Variants in DENND4B observed in about 807,000 individuals in gnomAD.
The protein encoded by DENND4B is DENN domain containing 4B.
Under a neutral mutation model 161.0 loss-of-function variants are expected in DENND4B, and 67 were observed. That is an observed-to-expected ratio of 0.42 (90% CI 0.34 to 0.51). The LOEUF (loss-of-function observed/expected upper bound fraction) is 0.51, where lower values mean the gene tolerates loss of function less well. Ranked by LOEUF, DENND4B falls within the 20% of genes least tolerant of loss-of-function variation. The pLI, the probability that DENND4B is intolerant of heterozygous loss-of-function variation, is 0.08. For missense variants in DENND4B, 1,481 were observed against 1,968.0 expected (o/e 0.75, Z 4.68); for synonymous variants, 753 against 813.8 (o/e 0.93, Z 1.27).
At chr1:153,931,520 C>CA (rs1678926933) in intron 24 of DENND4B, among the ~76,000 whole-genome samples, 1 of 140,316 alleles carries the variant, frequency 7.1e-6, no homozygotes, top group African/African-American at 2.7e-5. Flanking sequence ...TTTTTTGAGA[C>CA]AGAGTCTCGC....
intron 17 of DENND4B, among the ~76,000 whole-genome samples, chr1:153,935,662 C>T (rs1357064965): frequency 6.6e-6 from 1 of 152,246 alleles, no homozygotes; most frequent in African/African-American, 2.4e-5. Context: ...CCCATATTCT[C>T]ACTCCTTAAC....
Position 153,940,943 on chromosome 1 carries a change from C to G in DENND4B, c.1287G>C (p.Arg429=). The part of the protein sequence containing the change: ...TEHKLLVHSL[R]PDLLTSVCEA... The stretch of plus-strand genomic sequence containing the variant: ...CACAGACGCTGGTGAGCAGGTCTGG[C>G]CGCAGCGAGTGGACTAGCAGCTTGT... The change falls in exon 9 of 28, where the codon CGG becomes CGC. Residue 429 remains arginine (R), a synonymous_variant. Coordinates refer to ENST00000361217, the MANE Select transcript of DENND4B (RefSeq NM_014856.3). This position sits in a 1 kb window ranked among gnomAD's most constrained non-coding sequence, Gnocchi z 5.6. 6.2e-7 allele frequency: 1 copy of G among 1,600,632 alleles called. No homozygotes were observed. Among genetic ancestry groups the G allele is most frequent in the Non-Finnish European group, 8.5e-7 (1 of 1,174,978 alleles).
At chr1:153,945,207 G>T in intron 1 of DENND4B, 1 of 1,284,696 alleles carries the variant, frequency 7.8e-7, no homozygotes, top group Non-Finnish European at 1.0e-6. Context: ...CAGAAGCTGG[G>T]AAAAAGCCTG....
chr1:153,931,918 C>T (rs1433898647), intron 24 of DENND4B, among the ~76,000 whole-genome samples: 3 of 152,082 alleles, frequency 2.0e-5, no homozygotes, highest in African/African-American at 7.2e-5. Context: ...ATTCTCCCAC[C>T]TCAGCCTCCC....
Position 153,930,133 on chromosome 1 carries a change from G to T in DENND4B, c.*164C>A, listed in dbSNP as rs1678818786. The T allele has an allele frequency of 1.0e-6, 1 of 970,012 alleles. No individual in the cohort carries two copies. The highest frequency in any genetic ancestry group is 1.5e-6 in the Non-Finnish European group (1 of 675,088). 60.1% of individuals were successfully genotyped at this position (970,012 alleles called of 1,614,324 possible). A position where few individuals can be genotyped will look rare whatever the true frequency, so the allele number is the denominator to read the frequency against. On this transcript the variant is annotated 3_prime_UTR_variant, in exon 28 of 28. Transcript: ENST00000361217. The surrounding 1 kb of genome is among the most constrained non-coding windows in gnomAD (Gnocchi z 4.7). The stretch of plus-strand genomic sequence containing the variant: ...GGTGATGGGGGAATCAGGACTTTTG[G>T]TAACAGTGGATCCCTCTTCCTGTTG...
At position 153,944,290 on chromosome 1, in the gene DENND4B, T is replaced by G; in HGVS notation, c.85A>C (p.Thr29Pro). The G allele has an allele frequency of 6.2e-7, 1 of 1,604,264 alleles. No homozygotes were observed. Among genetic ancestry groups the G allele is most frequent in the East Asian group, 2.3e-5 (1 of 44,422 alleles). Residue 29 changes from threonine (T) to proline (P), a missense_variant, in exon 2 of 28, where the codon ACG becomes CCG. This residue lies in a region of DENND4B where 806 missense variants were observed against 1,134.4 expected (regional missense o/e 0.71). Transcript: ENST00000361217. This position sits in a 1 kb window ranked among gnomAD's most constrained non-coding sequence, Gnocchi z 4.8. Reference protein sequence around the residue: ...AGNGAPIPEETWVPEPSGPLR... With the variant: ...AGNGAPIPEEPWVPEPSGPLR... Reference sequence around the variant, plus strand: ...GGCCCACTGGGTTCAGGAACCCACGTTTCCTCAGGGATGGGTGCTCCGTTC... The same window carrying G: ...GGCCCACTGGGTTCAGGAACCCACGGTTCCTCAGGGATGGGTGCTCCGTTC...
Position 153,937,341 on chromosome 1 carries a change from GT to G in DENND4B, c.2232+146del. The G allele has an allele frequency of 8.5e-7, 1 of 1,177,330 alleles. No individual in the cohort carries two copies. The highest frequency in any genetic ancestry group is 1.9e-5 in the South Asian group (1 of 53,556). The allele number at this position is 1,177,330 out of a possible 1,614,324, so 72.9% of individuals were successfully genotyped here. A position where few individuals can be genotyped will look rare whatever the true frequency, so the allele number is the denominator to read the frequency against. ...TAATAGCAACTAATGTTTATACAGG[GT>G]TGCTTATGTGCCAAGCACATTTAAA... On this transcript the variant is annotated intron_variant, in intron 15 of 27. Coordinates refer to ENST00000361217, the MANE Select transcript of DENND4B (RefSeq NM_014856.3). This position sits in a 1 kb window ranked among gnomAD's most constrained non-coding sequence, Gnocchi z 4.7.
At chr1:153,945,910 C>G (rs972652103) in intron 1 of DENND4B, among the ~76,000 whole-genome samples, 4 of 152,392 alleles carry the variant, frequency 2.6e-5, no homozygotes, top group Admixed American at 2.6e-4. Context: ...GTCCCCACGC[C>G]CGCGTGCCGG....
At position 153,934,748 on chromosome 1, in the gene DENND4B, G is replaced by A. The variant is rs1415002149; in HGVS notation, c.2773+12C>T. On this transcript the variant is annotated intron_variant, in intron 18 of 27. Transcript: ENST00000361217. The surrounding 1 kb of genome is among the most constrained non-coding windows in gnomAD (Gnocchi z 5.3). ...CTCCATCCCCAAGCCTGTCTCACCA[G>A]GCCCTACCCACCTGCCTGGGAGCTG... is the stretch of plus-strand genomic sequence containing the variant. The A allele has an allele frequency of 6.2e-7, 1 of 1,608,376 alleles. No homozygotes were observed. The highest frequency in any genetic ancestry group is 8.5e-7 in the Non-Finnish European group (1 of 1,178,138).
chr1:153,934,927 C>G lies in DENND4B; in HGVS notation c.2606G>C (p.Gly869Ala). ...GAGCTTGGCCCAGCGCAGACGCCCA[C>G]CTGGTGTGCCAGACGGCCACTTGCT... is the stretch of plus-strand genomic sequence containing the variant. ...LESKWPSGTP[G>A]GRLRWAKLRN... The change falls in exon 18 of 28, where the codon GGT becomes GCT. Residue 869 changes from glycine to alanine, a missense_variant. By Grantham distance (60) the Gly-to-Ala change is moderately conservative (BLOSUM62 0). This residue lies in a region of DENND4B where 339 missense variants were observed against 330.3 expected (regional missense o/e 1.03). Transcript: ENST00000361217. The surrounding 1 kb of genome is among the most constrained non-coding windows in gnomAD (Gnocchi z 5.3). 3.1e-6 allele frequency: 5 copies of G among 1,613,180 alleles called. No homozygotes were observed. The highest frequency in any genetic ancestry group is 4.2e-6 in the Non-Finnish European group (5 of 1,179,902).
rs200535951 is a variant in DENND4B at position 153,940,967 on chromosome 1, G to C, written c.1263C>G (p.His421Gln). ...ITLLLAVLTE[H>Q]KLLVHSLRPD... ...GCCGCAGCGAGTGGACTAGCAGCTT[G>C]TGCTCTGTGAGCACAGCCAGCAGCA... The change falls in exon 9 of 28, where the codon CAC becomes CAG. Residue 421 changes from histidine (H) to glutamine (Q), a missense_variant. Physicochemically the swap from His to Gln is conservative, Grantham distance 24. Around this residue, in one of 3 missense-constraint regions of DENND4B, gnomAD observed 806 missense variants for 1,134.4 expected, o/e 0.71. Coordinates refer to ENST00000361217, the MANE Select transcript of DENND4B (RefSeq NM_014856.3). This position sits in a 1 kb window ranked among gnomAD's most constrained non-coding sequence, Gnocchi z 5.6. 3.8e-6 allele frequency: 6 copies of C among 1,595,210 alleles called. No individual in the cohort carries two copies. In the East Asian group the frequency reaches 1.1e-4, roughly 30 times the overall value.
chr1:153,931,793 G>T (rs1208202522), intron 24 of DENND4B, among the ~76,000 whole-genome samples: 1 of 151,134 alleles, frequency 6.6e-6, no homozygotes, highest in Non-Finnish European at 1.5e-5. Context: ...ACCACACCCA[G>T]CCAGTCTATG....
intron 7 of DENND4B, 40 bp downstream of exon 7, chr1:153,941,334 C>G (rs754088348): frequency 6.2e-7 from 1 of 1,613,594 alleles, no homozygotes; most frequent in African/African-American, 1.3e-5. Context: ...GATGCCAACT[C>G]CCCTCCTTCC....
chr1:153,930,512 T>G lies in DENND4B; in HGVS notation c.4345+27A>C. On this transcript the variant is annotated intron_variant, in intron 27 of 27. Coordinates refer to ENST00000361217, the MANE Select transcript of DENND4B (RefSeq NM_014856.3). This position sits in a 1 kb window ranked among gnomAD's most constrained non-coding sequence, Gnocchi z 4.7. Reference sequence around the variant, plus strand: ...CACACCTGGCCCCAGATCCCTAAACTCCTCAGCCCCTTGCCTGCAATCTCA... The same window carrying G: ...CACACCTGGCCCCAGATCCCTAAACGCCTCAGCCCCTTGCCTGCAATCTCA... 1 of 1,613,868 alleles carries G rather than the reference T, an allele frequency of 6.2e-7. No homozygotes were observed. The highest frequency in any genetic ancestry group is 8.5e-7 in the Non-Finnish European group (1 of 1,179,812).
rs1217322591 is a variant in DENND4B at position 153,946,626 on chromosome 1, C to G, written c.-349G>C. 6 of 385,120 alleles carry G rather than the reference C, an allele frequency of 1.6e-5. No homozygotes were observed. Among genetic ancestry groups the G allele is most frequent in the Non-Finnish European group, 2.3e-5 (5 of 217,492 alleles). The allele number at this position is 385,120 out of a possible 1,614,324, so 23.9% of individuals were successfully genotyped here. On this transcript the variant is annotated 5_prime_UTR_variant, in exon 1 of 28. Coordinates refer to ENST00000361217, the MANE Select transcript of DENND4B (RefSeq NM_014856.3). This position sits in a 1 kb window ranked among gnomAD's most constrained non-coding sequence, Gnocchi z 6.3. The stretch of plus-strand genomic sequence containing the variant: ...AGCGTTCCTCCGCGCGCCCCGCTTT[C>G]TCTACTCCCCCAACCCCCGCTCCGG...
At position 153,929,574 on chromosome 1, in the gene DENND4B, G is replaced by C. The variant is rs1405905957; in HGVS notation, c.*723C>G. ...GCAGGGAACAATCCTTATTGCACAG[G>C]TCAGGACCTGGGTGGGTGAGGCATT... On this transcript the variant is annotated 3_prime_UTR_variant, in exon 28 of 28. Coordinates refer to ENST00000361217, the MANE Select transcript of DENND4B (RefSeq NM_014856.3). The C allele has an allele frequency of 6.6e-6, 1 of 152,212 alleles. No homozygotes were observed. The highest frequency in any genetic ancestry group is 1.5e-5 in the Non-Finnish European group (1 of 68,086). 9.4% of individuals were successfully genotyped at this position (152,212 alleles called of 1,614,324 possible).
rs1422269169 is a variant in DENND4B at position 153,930,778 on chromosome 1, G to A, written c.4194C>T (p.Arg1398=). ...TGTGCACTTCATTGAGTCCAACATG[G>A]CGCAGCACTGACTCCAACAGTGCCA... ...LSLALLESVL[R]HVGLNEVHKA... is the part of the protein sequence containing the mutation. The change falls in exon 26 of 28, where the codon CGC becomes CGT. Residue 1398 remains arginine, a synonymous_variant. Coordinates refer to ENST00000361217, the MANE Select transcript of DENND4B (RefSeq NM_014856.3). This position sits in a 1 kb window ranked among gnomAD's most constrained non-coding sequence, Gnocchi z 4.7. The A allele has an allele frequency of 1.2e-6, 2 of 1,609,086 alleles. No individual in the cohort carries two copies. Among genetic ancestry groups the A allele is most frequent in the East Asian group, 2.2e-5 (1 of 44,740 alleles).
Position 153,944,254 on chromosome 1 carries a change from G to T in DENND4B, c.121C>A (p.Pro41Thr). 1 of 1,601,128 alleles carries T rather than the reference G, an allele frequency of 6.2e-7. No homozygotes were observed. Among genetic ancestry groups the T allele is most frequent in the East Asian group, 2.3e-5 (1 of 44,278 alleles). The change falls in exon 2 of 28, where the codon CCC (proline) becomes ACC (threonine). Residue 41 changes from proline to threonine, a missense_variant. By Grantham distance (38) the Pro-to-Thr change is conservative (BLOSUM62 -1). This residue lies in a region of DENND4B where 806 missense variants were observed against 1,134.4 expected (regional missense o/e 0.71). Transcript: ENST00000361217. The surrounding 1 kb of genome is among the most constrained non-coding windows in gnomAD (Gnocchi z 4.8). ...TCTGTGATGGGCTCAGCTGGCCGGGGAGGGCGCAGGGGCCCACTGGGTTCA... is the reference window on the plus strand; with the variant it reads ...TCTGTGATGGGCTCAGCTGGCCGGGTAGGGCGCAGGGGCCCACTGGGTTCA... ...VPEPSGPLRPPRPAEPITDVA... is the reference protein window; with the variant it reads ...VPEPSGPLRPTRPAEPITDVA...
At position 153,942,474 on chromosome 1, in the gene DENND4B, G is replaced by T. The variant is rs200451394; in HGVS notation, c.640+82C>A. The T allele has an allele frequency of 3.5e-5, 54 of 1,561,858 alleles. No individual in the cohort carries two copies. The East Asian group carries it at 1.2e-3, about 36-fold the overall frequency. ...GTAGCAAAGAGAAAGTAAACTCTGG[G>T]GACACTTAAGGTGCCTGCCAAGAGG... On this transcript the variant is annotated intron_variant, in intron 4 of 27. Coordinates refer to ENST00000361217, the MANE Select transcript of DENND4B (RefSeq NM_014856.3). The surrounding 1 kb of genome is among the most constrained non-coding windows in gnomAD (Gnocchi z 6.9).
Sources: allele counts gnomAD v4.1 joint callset (sites outside exome capture counted in the v4.1 genomes callset), GRCh38; gene constraint gnomAD v4.1.1; regional missense constraint gnomAD v4.1.1; non-coding constraint Gnocchi (gnomAD v3.1); transcripts MANE v1.5; gene names NCBI Gene and HGNC (gene_info 2026-07-23, HGNC 2026-07-21).